SEMA3F: variants seen among roughly 807,000 people sequenced by gnomAD.
SEMA3F encodes semaphorin-3F.
Under a neutral mutation model 98.5 loss-of-function variants are expected in SEMA3F, and 30 were observed. The ratio of observed to expected loss-of-function variants is 0.30; its 90% CI spans 0.23 to 0.41. The LOEUF (loss-of-function observed/expected upper bound fraction) is 0.41, where lower values mean the gene tolerates loss of function less well. Ranked by LOEUF, SEMA3F falls within the 10% of genes least tolerant of loss-of-function variation. The pLI is 1.00. For missense variants in SEMA3F, 866 were observed against 1,119.3 expected (o/e 0.77, Z 3.23); for synonymous variants, 380 against 444.8 (o/e 0.85, Z 1.83).
Position 50,173,776 on chromosome 3 carries a change from C to T in SEMA3F, c.113-17C>T. 6.2e-7 allele frequency: 1 copy of T among 1,612,526 alleles called. No homozygotes were observed. The highest frequency in any genetic ancestry group is 8.5e-7 in the Non-Finnish European group (1 of 1,178,900). ...TTTCCTGAAGGTCCTAATTGGTGCCCTGCCCTCCACCCACAGAGCTGAAGG... is the reference window on the plus strand; with the variant it reads ...TTTCCTGAAGGTCCTAATTGGTGCCTTGCCCTCCACCCACAGAGCTGAAGG... On this transcript the variant is annotated splice_polypyrimidine_tract_variant and intron_variant, in intron 2 of 18. Transcript: ENST00000002829.
At chr3:50,159,381 T>C (rs190400138) in intron 1 of SEMA3F, 194 bp from the exon 2 acceptor site, 43 of 482,662 alleles carry the variant, frequency 8.9e-5, no homozygotes, top group African/African-American at 6.9e-4. Context: ...GACCCCAGGC[T>C]GGGGCCTATT....
intron 2 of SEMA3F, among the ~76,000 whole-genome samples, chr3:50,163,224 G>C (rs1698277121): frequency 6.6e-6 from 1 of 152,208 alleles, no homozygotes; most frequent in Non-Finnish European, 1.5e-5. Flanking sequence ...AAAGGGCTGG[G>C]GTCGCACTGG....
chr3:50,179,045 G>A (rs1183152193), intron 7 of SEMA3F, among the ~76,000 whole-genome samples: 2 of 151,788 alleles, frequency 1.3e-5, no homozygotes, highest in African/African-American at 4.8e-5. Flanking sequence ...GGATGGTCTC[G>A]ATCTCCTGAC....
At chr3:50,169,390 T>A (rs1474068979) in intron 2 of SEMA3F, among the ~76,000 whole-genome samples, 1 of 152,158 alleles carries the variant, frequency 6.6e-6, no homozygotes, top group Admixed American at 6.5e-5. Flanking sequence ...CCCCAAGTGC[T>A]TGATGGCCAT....
chr3:50,179,386 C>T (rs1012194930), intron 7 of SEMA3F, among the ~76,000 whole-genome samples: 5 of 150,100 alleles, frequency 3.3e-5, no homozygotes, highest in African/African-American at 4.9e-5. Context: ...AGTGCAGTGG[C>T]ACCATCTTGG....
intron 7 of SEMA3F, among the ~76,000 whole-genome samples, chr3:50,180,518 G>T (rs1373495355): frequency 6.6e-6 from 1 of 152,144 alleles, no homozygotes; most frequent in Non-Finnish European, 1.5e-5. Context: ...TGAACACTTA[G>T]AGGCCATTGT....
rs915714187 is a variant in SEMA3F at position 50,188,215 on chromosome 3, A to G, written c.*100A>G. 7.3e-6 allele frequency: 3 copies of G among 413,700 alleles called. No homozygotes were observed. The highest frequency in any genetic ancestry group is 7.3e-6 in the Non-Finnish European group (2 of 275,322). The allele number at this position is 413,700 out of a possible 1,614,324, so 25.6% of individuals were successfully genotyped here. A position where few individuals can be genotyped will look rare whatever the true frequency, so the allele number is the denominator to read the frequency against. The stretch of plus-strand genomic sequence containing the variant: ...TATATATATAAAATATCTATATTCT[A>G]TACACACCCTGCCCCTGCAAAGACA... On this transcript the variant is annotated 3_prime_UTR_variant, in exon 19 of 19. Transcript: ENST00000002829. This position sits in a 1 kb window ranked among gnomAD's most constrained non-coding sequence, Gnocchi z 4.5.
rs970969029 is a variant in SEMA3F, at chr3:50,158,646, C to G, written c.-48-929C>G. Among the ~76,000 whole-genome samples the G allele has an allele frequency of 1.2e-4, 18 of 152,306 alleles. No homozygotes were observed. The highest frequency in any genetic ancestry group is 1.1e-3 in the Admixed American group (17 of 15,308). ...GGCTCACATTTTCAGTCTCGATGCC[C>G]CCACCCGCAGTGCATCCGGTTGGGG... On this transcript the variant is annotated intron_variant, in intron 1 of 18. Transcript: ENST00000002829. The surrounding 1 kb of genome is among the most constrained non-coding windows in gnomAD (Gnocchi z 4.8).
rs770253654 is a variant in SEMA3F at position 50,173,846 on chromosome 3, G to A, written c.166G>A (p.Asp56Asn). ...CTTCAACTTCCTGCTCAACACAACC[G>A]ACTACCGAATCTTGCTCAAGGACGA... ...HFFNFLLNTT[D>N]YRILLKDEDH... The change falls in exon 3 of 19, where the codon GAC becomes AAC. Residue 56 changes from aspartate (D) to asparagine (N), a missense_variant. Physicochemically the swap from Asp to Asn is conservative, Grantham distance 23 (BLOSUM62 1). Transcript: ENST00000002829. 5.6e-6 allele frequency: 9 copies of A among 1,614,060 alleles called. No homozygotes were observed. Among genetic ancestry groups the A allele is most frequent in the South Asian group, 5.5e-5 (5 of 91,080 alleles).
rs1365765956 is a variant in SEMA3F at position 50,184,717 on chromosome 3, G to A, written c.1359G>A (p.Leu453=). 16 of 1,614,112 alleles carry A rather than the reference G, an allele frequency of 9.9e-6. No homozygotes were observed. The highest frequency in any genetic ancestry group is 1.4e-5 in the Non-Finnish European group (16 of 1,179,992). The change falls in exon 13 of 19, where the codon CTG becomes CTA. Residue 453 remains leucine (L), a synonymous_variant. Transcript: ENST00000002829. The part of the protein sequence containing the change: ...QAVYPLQRRP[L]VVRTGAPYRL... ...TGTACCCTCTGCAGCGGCGGCCCCT[G>A]GTAGTCCGCACAGGTGCTCCCTACC...
chr3:50,184,319 A>G, intron 12 of SEMA3F: 3 of 504,292 alleles, frequency 5.9e-6, no homozygotes, highest in South Asian at 2.2e-5. Context: ...GGGGAGGGGG[A>G]CATGGAAGGG....
At chr3:50,161,424 G>T (rs1698202528) in intron 2 of SEMA3F, among the ~76,000 whole-genome samples, 2 of 152,238 alleles carry the variant, frequency 1.3e-5, no homozygotes, top group African/African-American at 2.4e-5. Flanking sequence ...GGCCTTGCCG[G>T]CGCCCACATC....
Position 50,158,210 on chromosome 3 carries a change from T to C in SEMA3F, c.-48-1365T>C, listed in dbSNP as rs1401651599. Among the ~76,000 whole-genome samples the C allele has an allele frequency of 2.0e-5, 3 of 152,214 alleles. No individual in the cohort carries two copies. On this transcript the variant is annotated intron_variant, in intron 1 of 18. Coordinates refer to ENST00000002829, the MANE Select transcript of SEMA3F (RefSeq NM_004186.5). This position sits in a 1 kb window ranked among gnomAD's most constrained non-coding sequence, Gnocchi z 4.8. ...AGACCTGAGGAGGGGCTGGTTCTGA[T>C]TCCCCCATCCCCCAGCTAGCCTCCC... is the stretch of plus-strand genomic sequence containing the variant.
At chr3:50,184,112 C>G (rs779842842) in intron 12 of SEMA3F, among the ~76,000 whole-genome samples, 6 of 152,144 alleles carry the variant, frequency 3.9e-5, no homozygotes, top group Non-Finnish European at 8.8e-5. Flanking sequence ...CAGAGGTAAC[C>G]TGGAGTCAGA....
In SEMA3F at chr3:50,174,560, G is replaced by A. The variant is rs192672815; in HGVS notation, c.456+210G>A. On this transcript the variant is annotated intron_variant, in intron 5 of 18. Coordinates refer to ENST00000002829, the MANE Select transcript of SEMA3F (RefSeq NM_004186.5). ...TCTCACAGGTCGGTGTGAGGAGGAGGCAGTGAGCTAAAGCTCCCAAAGCTC... is the reference window on the plus strand; with the variant it reads ...TCTCACAGGTCGGTGTGAGGAGGAGACAGTGAGCTAAAGCTCCCAAAGCTC... Among the ~76,000 whole-genome samples the A allele has an allele frequency of 2.8e-3, 431 of 152,394 alleles. 1 individual carries two copies. Among genetic ancestry groups the A allele is most frequent in the African/African-American group, 9.9e-3 (413 of 41,594 alleles).
chr3:50,155,757 T>G lies in SEMA3F; in HGVS notation c.-49+193T>G. The G allele has an allele frequency of 9.4e-6, 2 of 213,330 alleles. No individual in the cohort carries two copies. 13.2% of individuals were successfully genotyped at this position (213,330 alleles called of 1,614,324 possible). On this transcript the variant is annotated intron_variant, in intron 1 of 18. Transcript: ENST00000002829. This position sits in a 1 kb window ranked among gnomAD's most constrained non-coding sequence, Gnocchi z 4.9. Reference sequence around the variant, plus strand: ...ACCTGTCCTGGAGGCCCGGACCCCTTACCTACGGGGCGGCGTATGGATGTG... The same window carrying G: ...ACCTGTCCTGGAGGCCCGGACCCCTGACCTACGGGGCGGCGTATGGATGTG...
rs768584432 is a variant in SEMA3F at position 50,159,626 on chromosome 3, C to G, written c.4C>G (p.Leu2Val). 28 of 1,604,564 alleles carry G rather than the reference C, an allele frequency of 1.7e-5. No homozygotes were observed. In the South Asian group the frequency reaches 2.9e-4, roughly 16 times the overall value. ...TGGGCCCTAGGCCCCTCCCACAATG[C>G]TTGTCGCCGGTCTTCTTCTCTGGGC... M[L>V]VAGLLLWASL... Residue 2 changes from leucine to valine, a missense_variant, in exon 2 of 19, where the codon CTT becomes GTT. Around this residue, in one of 3 missense-constraint regions of SEMA3F, gnomAD observed 247 missense variants for 276.0 expected, o/e 0.89. Coordinates refer to ENST00000002829, the MANE Select transcript of SEMA3F (RefSeq NM_004186.5).
Position 50,166,735 on chromosome 3 carries a change from G to A in SEMA3F, c.112+7001G>A, listed in dbSNP as rs897825497. Among the ~76,000 whole-genome samples the A allele has an allele frequency of 1.3e-5, 2 of 152,196 alleles. No homozygotes were observed. The highest frequency in any genetic ancestry group is 3.9e-4 in the East Asian group (2 of 5,184). On this transcript the variant is annotated intron_variant, in intron 2 of 18. Coordinates refer to ENST00000002829, the MANE Select transcript of SEMA3F (RefSeq NM_004186.5). The surrounding 1 kb of genome is among the most constrained non-coding windows in gnomAD (Gnocchi z 4.7). ...ATGGGGGCTGGGCCCAGGGGAGGGG[G>A]AGGGTTTTGACACCCACCAGCCTGT...
At position 50,188,208 on chromosome 3, in the gene SEMA3F, A is replaced by G. The variant is rs1308978630; in HGVS notation, c.*93A>G. Reference sequence around the variant, plus strand: ...ATATATATATATATATAAAATATCTATATTCTATACACACCCTGCCCCTGC... The same window carrying G: ...ATATATATATATATATAAAATATCTGTATTCTATACACACCCTGCCCCTGC... On this transcript the variant is annotated 3_prime_UTR_variant, in exon 19 of 19. Coordinates refer to ENST00000002829, the MANE Select transcript of SEMA3F (RefSeq NM_004186.5). This position sits in a 1 kb window ranked among gnomAD's most constrained non-coding sequence, Gnocchi z 4.5. 10 of 446,600 alleles carry G rather than the reference A, an allele frequency of 2.2e-5. No homozygotes were observed. Among genetic ancestry groups the G allele is most frequent in the South Asian group, 1.1e-4 (1 of 9,416 alleles). The allele number at this position is 446,600 out of a possible 1,614,324, so 27.7% of individuals were successfully genotyped here.
Sources: allele counts gnomAD v4.1 joint callset (sites outside exome capture counted in the v4.1 genomes callset), GRCh38; gene constraint gnomAD v4.1.1; regional missense constraint gnomAD v4.1.1; non-coding constraint Gnocchi (gnomAD v3.1); transcripts MANE v1.5; gene names NCBI Gene and HGNC (gene_info 2026-07-23, HGNC 2026-07-21).